ZMAT4: variants seen among roughly 807,000 people sequenced by gnomAD.
ZMAT4 encodes the protein zinc finger matrin-type protein 4.
Under a neutral mutation model 28.7 loss-of-function variants are expected in ZMAT4, and 17 were observed. The observed-to-expected ratio is 0.59, with a 90% CI of 0.41 to 0.89. The LOEUF is 0.89. Ranked by LOEUF, ZMAT4 falls within the 40% of genes least tolerant of loss-of-function variation. The probability of loss-of-function intolerance (pLI) is 0.00; values close to 1 mark genes in which losing one functional copy is unlikely to be tolerated. For missense variants in ZMAT4, 240 were observed against 283.8 expected (o/e 0.85, Z 1.11); for synonymous variants, 117 against 109.2 (o/e 1.07, Z -0.44).
At chr8:40,751,820 A>G (rs144482175) in intron 3 of ZMAT4, among the ~76,000 whole-genome samples, 229 of 152,318 alleles carry the variant, frequency 1.5e-3, no homozygotes, top group African/African-American at 5.3e-3. Context: ...TTTTAATTAA[A>G]ATAATTTTTA....
At chr8:40,831,703 T>C (rs1816285631) in intron 1 of ZMAT4, among the ~76,000 whole-genome samples, 4 of 152,206 alleles carry the variant, frequency 2.6e-5, no homozygotes, top group Admixed American at 2.6e-4. Flanking sequence ...TCATGGACAC[T>C]TCAACTGAAG....
intron 5 of ZMAT4, among the ~76,000 whole-genome samples, chr8:40,631,681 A>G (rs1258027709): frequency 6.6e-6 from 1 of 152,194 alleles, no homozygotes; most frequent in African/African-American, 2.4e-5. Context: ...AAGCAACATA[A>G]TGGTACCATG....
intron 4 of ZMAT4, among the ~76,000 whole-genome samples, chr8:40,690,015 C>G (rs974185839): frequency 2.6e-5 from 4 of 152,134 alleles, no homozygotes; most frequent in Non-Finnish European, 4.4e-5. Context: ...TATCCAATCA[C>G]TGATCTCTTG....
chr8:40,715,774 C>T (rs1042011102), intron 3 of ZMAT4, among the ~76,000 whole-genome samples: 10 of 152,192 alleles, frequency 6.6e-5, no homozygotes, highest in African/African-American at 2.2e-4. Flanking sequence ...CTGCCACCAG[C>T]GTGGCCCACC....
intron 6 of ZMAT4, among the ~76,000 whole-genome samples, chr8:40,544,765 C>G (rs1285251621): frequency 6.6e-6 from 1 of 152,066 alleles, no homozygotes; most frequent in African/African-American, 2.4e-5. Context: ...AGTAGCAAGT[C>G]AAGTAAACTA....
At chr8:40,825,523 C>A (rs1816000934) in intron 2 of ZMAT4, 52 bp downstream of exon 2, 3 of 1,471,404 alleles carry the variant, frequency 2.0e-6, no homozygotes, top group African/African-American at 2.8e-5. Context: ...CAACAATGAC[C>A]CGGGCTGCTC....
At chr8:40,744,208 G>A (rs1365046310) in intron 3 of ZMAT4, among the ~76,000 whole-genome samples, 1 of 152,156 alleles carries the variant, frequency 6.6e-6, no homozygotes, top group East Asian at 1.9e-4. Context: ...GGAAGCAGAA[G>A]AGACTGCTTC....
intron 5 of ZMAT4, among the ~76,000 whole-genome samples, chr8:40,625,381 T>G (rs1437170535): frequency 6.6e-6 from 1 of 152,064 alleles, no homozygotes; most frequent in Non-Finnish European, 1.5e-5. Context: ...AATTTATGCT[T>G]TAGAAATATG....
chr8:40,742,343 G>A (rs1408959154), intron 3 of ZMAT4, among the ~76,000 whole-genome samples: 1 of 150,346 alleles, frequency 6.7e-6, no homozygotes, highest in Non-Finnish European at 1.5e-5. Flanking sequence ...GTTTCTATGT[G>A]TGGTTTATAT....
At chr8:40,722,623 C>CG (rs1376602496) in intron 3 of ZMAT4, among the ~76,000 whole-genome samples, 1 of 152,196 alleles carries the variant, frequency 6.6e-6, no homozygotes, top group Non-Finnish European at 1.5e-5. Context: ...TATTCCTGCT[C>CG]TTTTTTCTTT....
In ZMAT4 at chr8:40,532,090, G is replaced by C. The variant is rs559741020; in HGVS notation, c.*133C>G. On this transcript the variant is annotated 3_prime_UTR_variant, in exon 7 of 7. Coordinates refer to ENST00000297737, the MANE Select transcript of ZMAT4 (RefSeq NM_024645.3). Reference sequence around the variant, plus strand: ...TCATTTCCAAAAATCAAGATCAGTCGTATGTGAATCTGTGAATCCTTATAA... The same window carrying C: ...TCATTTCCAAAAATCAAGATCAGTCCTATGTGAATCTGTGAATCCTTATAA... The C allele has an allele frequency of 3.7e-5, 28 of 762,046 alleles. No individual in the cohort carries two copies. The highest frequency in any genetic ancestry group is 3.1e-4 in the Admixed American group (8 of 25,648). 47.2% of individuals were successfully genotyped at this position (762,046 alleles called of 1,614,324 possible).
At chr8:40,865,882 T>C (rs1476030971) in intron 1 of ZMAT4, among the ~76,000 whole-genome samples, 1 of 152,206 alleles carries the variant, frequency 6.6e-6, no homozygotes, top group East Asian at 1.9e-4. Flanking sequence ...TTTTAGATTT[T>C]AGAAGGCCAA....
At chr8:40,769,128 C>T (rs1448317613) in intron 2 of ZMAT4, among the ~76,000 whole-genome samples, 2 of 152,054 alleles carry the variant, frequency 1.3e-5, no homozygotes, top group Non-Finnish European at 2.9e-5. Context: ...TTTAAAAGTG[C>T]CAATGAAACA....
At chr8:40,739,029 G>T (rs1465230283) in intron 3 of ZMAT4, among the ~76,000 whole-genome samples, 1 of 152,170 alleles carries the variant, frequency 6.6e-6, no homozygotes, top group Non-Finnish European at 1.5e-5. Context: ...TGGTTGTCAA[G>T]AAATTGCATT....
intron 6 of ZMAT4, among the ~76,000 whole-genome samples, chr8:40,571,671 T>A (rs1158079032): frequency 6.6e-6 from 1 of 152,146 alleles, no homozygotes; most frequent in African/African-American, 2.4e-5. Context: ...ATTTTTTACA[T>A]TCAGAATTAT....
At chr8:40,687,318 G>GGAAACACA (rs1304351961) in intron 4 of ZMAT4, among the ~76,000 whole-genome samples, 11 of 152,104 alleles carry the variant, frequency 7.2e-5, no homozygotes, top group African/African-American at 2.7e-4. Flanking sequence ...CAGAAGAGAG[G>GGAAACACA]GAGCTTAAGG....
intron 5 of ZMAT4, among the ~76,000 whole-genome samples, chr8:40,643,164 G>T (rs965075273): frequency 6.6e-6 from 1 of 152,062 alleles, no homozygotes; most frequent in Admixed American, 6.5e-5. Context: ...ACATGTCTGT[G>T]CCCACACACT....
At chr8:40,775,982 G>C (rs6989145) in intron 2 of ZMAT4, among the ~76,000 whole-genome samples, 33,400 of 152,150 alleles carry the variant, frequency 0.22, 3,858 homozygotes, top group Non-Finnish European at 0.25. Flanking sequence ...CTACACGCCA[G>C]GAGAGAGCCA....
At chr8:40,543,675 G>A (rs1803112277) in intron 6 of ZMAT4, among the ~76,000 whole-genome samples, 1 of 152,190 alleles carries the variant, frequency 6.6e-6, no homozygotes, top group Admixed American at 6.5e-5. Flanking sequence ...TAGGCCTTTG[G>A]TGAGGAATAA....
Sources: gnomAD v4.1 joint callset for allele counts (sites outside exome capture counted in the v4.1 genomes callset) on GRCh38, gnomAD v4.1.1 for gene constraint, MANE v1.5 for transcripts, NCBI Gene and HGNC (gene_info 2026-07-23, HGNC 2026-07-21) for gene names.